The following SUPT3H variants were observed in gnomAD, a reference collection of about 807,000 sequenced individuals.
SUPT3H encodes SPT3 homolog, SAGA and STAGA complex component.
Under a neutral mutation model 44.3 loss-of-function variants are expected in SUPT3H, and 44 were observed. That is an observed-to-expected ratio of 0.99 (90% confidence interval 0.78 to 1.28). The LOEUF is 1.28. Among genes scored for constraint, SUPT3H ranks in the 50% most tolerant of loss-of-function variants. SUPT3H has a pLI of 0.00. For synonymous variants in SUPT3H, 124 were observed against 125.6 expected, an observed-to-expected ratio of 0.99 and a Z score of 0.09; for missense variants, 380 against 387.1, an observed-to-expected ratio of 0.98 and a Z score of 0.15.
chr6:45,283,339 C>T (rs1432942101), intron 2 of SUPT3H, among the ~76,000 whole-genome samples: 4 of 151,992 alleles, frequency 2.6e-5, no homozygotes, highest in Non-Finnish European at 4.4e-5. Flanking sequence ...TTCAGGAAAC[C>T]CACCTCACGT....
intron 9 of SUPT3H, among the ~76,000 whole-genome samples, chr6:44,938,587 T>C (rs1478811888): frequency 6.6e-6 from 1 of 151,768 alleles, no homozygotes; most frequent in Non-Finnish European, 1.5e-5. Context: ...AATTTTAGGA[T>C]TTTTTTTTCT....
intron 10 of SUPT3H, among the ~76,000 whole-genome samples, chr6:44,886,747 G>C (rs562135767): frequency 6.6e-6 from 1 of 152,076 alleles, no homozygotes; most frequent in Non-Finnish European, 1.5e-5. Context: ...ATAATGACAG[G>C]ATCAAATTCA....
At position 45,108,828 on chromosome 6, in the gene SUPT3H, G is replaced by A. The variant is rs115535109; in HGVS notation, c.102-2822C>T. On this transcript the variant is annotated intron_variant, in intron 2 of 10. Coordinates refer to ENST00000371459, the MANE Select transcript of SUPT3H (RefSeq NM_003599.4). ...AATATAATATTTAAGATTATAGTCAGAACAATAAAACAAGAAAAAACTAAA... is the reference window on the plus strand; with the variant it reads ...AATATAATATTTAAGATTATAGTCAAAACAATAAAACAAGAAAAAACTAAA... Among the ~76,000 whole-genome samples the A allele has an allele frequency of 2.6e-3, 391 of 151,924 alleles. 3 individuals are homozygous for A. Among genetic ancestry groups the A allele is most frequent in the African/African-American group, 8.6e-3 (358 of 41,462 alleles).
At chr6:44,823,168 A>G (rs1767479689), downstream of SUPT3H, among the ~76,000 whole-genome samples, 1 of 151,980 alleles carries the variant, frequency 6.6e-6, no homozygotes, top group Non-Finnish European at 1.5e-5. Flanking sequence ...GTATCTGTGT[A>G]TATGAGAATG....
chr6:45,113,628 C>T (rs1000548123), intron 2 of SUPT3H, among the ~76,000 whole-genome samples: 2 of 151,972 alleles, frequency 1.3e-5, no homozygotes, highest in African/African-American at 2.4e-5. Context: ...GAGTTCCAGA[C>T]CAGACTGGCC....
chr6:45,314,758 C>T (rs536380381), intron 2 of SUPT3H, among the ~76,000 whole-genome samples: 1 of 151,916 alleles, frequency 6.6e-6, no homozygotes, highest in Non-Finnish European at 1.5e-5. Flanking sequence ...CAAAATAGCA[C>T]CACCATTCTC....
intron 10 of SUPT3H, among the ~76,000 whole-genome samples, chr6:44,865,180 T>A (rs995088790): frequency 6.6e-6 from 1 of 152,220 alleles, no homozygotes; most frequent in African/African-American, 2.4e-5. Flanking sequence ...CATCTCCATC[T>A]GAGACCACCT....
chr6:45,029,920 A>G (rs1786654810), intron 3 of SUPT3H, among the ~76,000 whole-genome samples: 2 of 152,140 alleles, frequency 1.3e-5, no homozygotes, highest in South Asian at 4.1e-4. Context: ...ACATGCCATC[A>G]TGCCTAGCTA....
At chr6:44,848,616 G>C (rs576927930) in intron 10 of SUPT3H, among the ~76,000 whole-genome samples, 1 of 146,802 alleles carries the variant, frequency 6.8e-6, no homozygotes, top group South Asian at 2.2e-4. Flanking sequence ...TTCTAATGAA[G>C]GTTTTCCTGT....
At chr6:45,253,853 AT>A in intron 2 of SUPT3H, among the ~76,000 whole-genome samples, 2 of 125,722 alleles carry the variant, frequency 1.6e-5, no homozygotes, top group Non-Finnish European at 3.4e-5. Context: ...ATACGCATAT[AT>A]ATATATATAT....
intron 8 of SUPT3H, 80 bp downstream of exon 8, chr6:44,954,415 G>T: frequency 1.0e-6 from 1 of 986,428 alleles, no homozygotes; most frequent in Non-Finnish European, 1.6e-6. Flanking sequence ...TAGAGCAGCA[G>T]GGAGAAGAAG....
intron 2 of SUPT3H, among the ~76,000 whole-genome samples, chr6:45,253,960 CAG>C (rs1054979004): frequency 2.0e-5 from 3 of 150,450 alleles, no homozygotes; most frequent in Admixed American, 2.0e-4. Context: ...TACACATGCA[CAG>C]ACACACACAC....
intron 2 of SUPT3H, among the ~76,000 whole-genome samples, chr6:45,280,506 A>C (rs1343429329): frequency 6.6e-6 from 1 of 151,964 alleles, no homozygotes; most frequent in African/African-American, 2.4e-5. Flanking sequence ...AAAAAACAAC[A>C]AAAAAAACCT....
chr6:45,281,637 C>G (rs571913714), intron 2 of SUPT3H, among the ~76,000 whole-genome samples: 1 of 152,190 alleles, frequency 6.6e-6, no homozygotes, highest in Non-Finnish European at 1.5e-5. Flanking sequence ...AGGAGGCCTG[C>G]CTGCCTCTGT....
At chr6:45,131,953 A>G (rs1233879273) in intron 2 of SUPT3H, among the ~76,000 whole-genome samples, 3 of 152,180 alleles carry the variant, frequency 2.0e-5, no homozygotes, top group African/African-American at 7.2e-5. Context: ...CTAAACATAC[A>G]TTGTTTTTCC....
chr6:44,843,915 ACACACACACACGCACACACACAC>A (rs1771409475), intron 10 of SUPT3H, among the ~76,000 whole-genome samples: 2 of 46,258 alleles, frequency 4.3e-5, no homozygotes, highest in African/African-American at 1.4e-4. Flanking sequence ...ACACACACAC[ACACACACACACGCACACACACAC>A]ACACACACAC....
chr6:44,923,348 T>C (rs1769022434), intron 10 of SUPT3H, among the ~76,000 whole-genome samples: 1 of 152,134 alleles, frequency 6.6e-6, no homozygotes, highest in African/African-American at 2.4e-5. Flanking sequence ...TGGAGTATTC[T>C]AGGGTCTCCA....
chr6:45,375,305 A>T (rs1355576738), intron 1 of SUPT3H, among the ~76,000 whole-genome samples: 2 of 152,220 alleles, frequency 1.3e-5, no homozygotes, highest in South Asian at 4.1e-4. Flanking sequence ...TGACATTATG[A>T]TGTGGTCCCA....
At chr6:45,243,877 T>C (rs999699686) in intron 2 of SUPT3H, among the ~76,000 whole-genome samples, 2 of 152,200 alleles carry the variant, frequency 1.3e-5, no homozygotes, top group African/African-American at 4.8e-5. Context: ...TTTAATTTAC[T>C]ATTTGTTCAT....
Sources: gnomAD v4.1 joint callset for allele counts (sites outside exome capture counted in the v4.1 genomes callset) on GRCh38, gnomAD v4.1.1 for gene constraint, MANE v1.5 for transcripts, NCBI Gene and HGNC (gene_info 2026-07-23, HGNC 2026-07-21) for gene names.